The following CSTPP1 variants were observed in gnomAD, a reference collection of about 807,000 sequenced individuals.
CSTPP1 encodes the protein centriolar satellite-associated tubulin polyglutamylase complex regulator 1, also known as UPF0705 protein C11orf49.
chr11:47,043,088 T>C, the CSTPP1 span, among the ~76,000 whole-genome samples: 1 of 152,176 alleles, frequency 6.6e-6, no homozygotes, highest in African/African-American at 2.4e-5. Flanking sequence ...GTGCTCTGGA[T>C]TCAGAAGGCG....
the CSTPP1 span, among the ~76,000 whole-genome samples, chr11:46,938,780 C>CTT: frequency 3.5e-3 from 438 of 123,576 alleles, 9 homozygotes; most frequent in Non-Finnish European, 4.4e-3. Context: ...TTTTCTTCTT[C>CTT]TTTTTTTTTT....
At chr11:47,042,352 T>G in the CSTPP1 span, among the ~76,000 whole-genome samples, 3 of 151,638 alleles carry the variant, frequency 2.0e-5, no homozygotes, top group Non-Finnish European at 4.4e-5. Flanking sequence ...TCTGTTTTTT[T>G]TTTTTTTTTG....
the CSTPP1 span, chr11:47,161,515 C>A: frequency 6.2e-7 from 1 of 1,614,160 alleles, no homozygotes. Context: ...GTCCAGAGGC[C>A]AGTTGCCTGC....
chr11:47,088,905 A>C, the CSTPP1 span, among the ~76,000 whole-genome samples: 1 of 152,224 alleles, frequency 6.6e-6, no homozygotes, highest in Admixed American at 6.5e-5. Context: ...TATGAGTGAT[A>C]TGAAAAATTC....
chr11:46,962,596 T>C, the CSTPP1 span, among the ~76,000 whole-genome samples: 1 of 152,234 alleles, frequency 6.6e-6, no homozygotes, highest in Non-Finnish European at 1.5e-5. Context: ...TTTAGGCCTT[T>C]AATTTCTTTC....
At chr11:47,066,753 A>G in the CSTPP1 span, among the ~76,000 whole-genome samples, 11 of 152,280 alleles carry the variant, frequency 7.2e-5, no homozygotes, top group African/African-American at 2.6e-4. Context: ...ATTTGCAAAT[A>G]TCTATTCCCT....
chr11:46,993,871 A>G, the CSTPP1 span, among the ~76,000 whole-genome samples: 5 of 152,266 alleles, frequency 3.3e-5, no homozygotes, highest in African/African-American at 1.2e-4. Flanking sequence ...CTTGGGCAGT[A>G]TGGCCATTTT....
At chr11:47,009,320 C>T in the CSTPP1 span, among the ~76,000 whole-genome samples, 19 of 152,124 alleles carry the variant, frequency 1.2e-4, no homozygotes, top group African/African-American at 4.3e-4. Flanking sequence ...TCTTTTAAAA[C>T]TTGCATTCTG....
At chr11:47,085,300 G>A in the CSTPP1 span, among the ~76,000 whole-genome samples, 1 of 151,998 alleles carries the variant, frequency 6.6e-6, no homozygotes, top group Admixed American at 6.6e-5. Context: ...GACAAAACTA[G>A]GAATTGTGAC....
chr11:47,065,836 C>G, the CSTPP1 span, among the ~76,000 whole-genome samples: 2 of 151,774 alleles, frequency 1.3e-5, no homozygotes, highest in Admixed American at 6.6e-5. Context: ...CTCCGCCACC[C>G]GGGTTCGAGC....
chr11:47,087,717 ATGTGTGTGTG>A, the CSTPP1 span, among the ~76,000 whole-genome samples: 1 of 150,080 alleles, frequency 6.7e-6, no homozygotes, highest in East Asian at 1.9e-4. Context: ...TGTCAAATGT[ATGTGTGTGTG>A]TGTGTGTGTG....
the CSTPP1 span, among the ~76,000 whole-genome samples, chr11:47,091,113 T>C: frequency 7.2e-6 from 1 of 138,112 alleles, no homozygotes; most frequent in South Asian, 2.3e-4. Flanking sequence ...TAACATTGGC[T>C]GGGGGCGGTG....
the CSTPP1 span, among the ~76,000 whole-genome samples, chr11:47,131,951 T>G: frequency 6.6e-6 from 1 of 151,698 alleles, no homozygotes; most frequent in Admixed American, 6.6e-5. Flanking sequence ...CACTCCAGCC[T>G]GGGTGACAGA....
At chr11:47,038,090 G>A in the CSTPP1 span, among the ~76,000 whole-genome samples, 12 of 95,010 alleles carry the variant, frequency 1.3e-4, no homozygotes, top group African/African-American at 1.7e-4. Context: ...GGGGCGGCTG[G>A]CCGGGCGGGG....
At chr11:47,157,209 A>G in the CSTPP1 span, 1 of 1,586,346 alleles carries the variant, frequency 6.3e-7, no homozygotes, top group Non-Finnish European at 8.6e-7. Flanking sequence ...TGTGATCGGC[A>G]CAAGTACAGG....
At chr11:47,055,465 A>G in the CSTPP1 span, among the ~76,000 whole-genome samples, 1 of 151,526 alleles carries the variant, frequency 6.6e-6, no homozygotes, top group Non-Finnish European at 1.5e-5. Flanking sequence ...GCTCTAATCA[A>G]TGCTACTGCT....
chr11:46,985,709 G>A, the CSTPP1 span, among the ~76,000 whole-genome samples: 1 of 152,148 alleles, frequency 6.6e-6, no homozygotes, highest in Non-Finnish European at 1.5e-5. Context: ...GGCTTTTAAG[G>A]AAACATGTTA....
At chr11:47,118,180 T>C in the CSTPP1 span, among the ~76,000 whole-genome samples, 2 of 152,098 alleles carry the variant, frequency 1.3e-5, no homozygotes, top group Admixed American at 6.5e-5. Flanking sequence ...GCCTGGCCTC[T>C]TGCTGTATTT....
chr11:46,991,258 A>G, the CSTPP1 span, among the ~76,000 whole-genome samples: 1 of 151,110 alleles, frequency 6.6e-6, no homozygotes, highest in African/African-American at 2.4e-5. Context: ...ACAGCTATTC[A>G]AATGGCCTCA....
Sources: allele counts gnomAD v4.1 joint callset (sites outside exome capture counted in the v4.1 genomes callset), GRCh38; gene constraint gnomAD v4.1.1; transcripts MANE v1.5; gene names NCBI Gene and HGNC (gene_info 2026-07-23, HGNC 2026-07-21).